MYO1D: variants seen among roughly 807,000 people sequenced by gnomAD.
MYO1D encodes myosin ID.
Under a neutral mutation model 122.0 loss-of-function variants are expected in MYO1D, and 83 were observed. The ratio of observed to expected loss-of-function variants is 0.68; its 90% CI spans 0.57 to 0.82. The LOEUF is 0.82. Ranked by LOEUF, MYO1D falls within the 40% of genes least tolerant of loss-of-function variation. The pLI is 0.00. For synonymous variants in MYO1D, 464 were observed against 446.9 expected (o/e 1.04, Z -0.48); for missense variants, 1,157 against 1,269.5 (o/e 0.91, Z 1.35).
intron 21 of MYO1D, among the ~76,000 whole-genome samples, chr17:32,526,462 T>A (rs1031155505): frequency 1.3e-5 from 2 of 152,220 alleles, no homozygotes; most frequent in Non-Finnish European, 2.9e-5. Flanking sequence ...CATATATGTA[T>A]GAAAATGTGG....
chr17:32,574,475 T>G (rs2087260098), intron 21 of MYO1D, among the ~76,000 whole-genome samples: 1 of 152,222 alleles, frequency 6.6e-6, no homozygotes, highest in South Asian at 2.1e-4. Flanking sequence ...CAAATCAGGC[T>G]AATTGTCTTT....
Position 32,643,756 on chromosome 17 carries a change from C to T in MYO1D, c.2596-4921G>A, listed in dbSNP as rs960243365. Among the ~76,000 whole-genome samples, 11 of 151,948 alleles carry T rather than the reference C, an allele frequency of 7.2e-5. No homozygotes were observed. The South Asian group carries it at 1.0e-3, about 14-fold the overall frequency. On this transcript the variant is annotated intron_variant, in intron 19 of 21. Transcript: ENST00000318217. ...ATGGTAGTTTGTATTTCTGTGGGATCGGTGGTGATATCCCCTTTATCATTT... is the reference window on the plus strand; with the variant it reads ...ATGGTAGTTTGTATTTCTGTGGGATTGGTGGTGATATCCCCTTTATCATTT...
chr17:32,765,688 G>A (rs2090048758), intron 7 of MYO1D, among the ~76,000 whole-genome samples: 1 of 152,098 alleles, frequency 6.6e-6, no homozygotes, highest in Non-Finnish European at 1.5e-5. Context: ...TCGACCTCCT[G>A]ACCTCATGAT....
chr17:32,633,181 A>C (rs1426259619), intron 20 of MYO1D, among the ~76,000 whole-genome samples: 2 of 151,738 alleles, frequency 1.3e-5, no homozygotes, highest in East Asian at 1.9e-4. Context: ...TAAAAAAAAA[A>C]CAGTTAAGCC....
chr17:32,534,756 A>G (rs1403330495), intron 21 of MYO1D, among the ~76,000 whole-genome samples: 2 of 152,166 alleles, frequency 1.3e-5, no homozygotes, highest in African/African-American at 4.8e-5. Flanking sequence ...GTGTGCTTCC[A>G]TTACTGAAGA....
intron 21 of MYO1D, among the ~76,000 whole-genome samples, chr17:32,551,742 T>C (rs1047876979): frequency 6.6e-6 from 1 of 152,200 alleles, no homozygotes; most frequent in Non-Finnish European, 1.5e-5. Flanking sequence ...TGACCCATTA[T>C]CCTTTCTATT....
chr17:32,543,324 C>T (rs1910903692), intron 21 of MYO1D, among the ~76,000 whole-genome samples: 1 of 151,786 alleles, frequency 6.6e-6, no homozygotes, highest in African/African-American at 2.4e-5. Flanking sequence ...CACCTGTAAT[C>T]CCAGCACTAT....
chr17:32,702,715 T>C (rs955454688), intron 16 of MYO1D, among the ~76,000 whole-genome samples: 2 of 152,234 alleles, frequency 1.3e-5, no homozygotes, highest in African/African-American at 4.8e-5. Context: ...TGAATATTTA[T>C]AGCAAGTATT....
chr17:32,757,732 C>T (rs941769167), intron 10 of MYO1D, among the ~76,000 whole-genome samples: 1 of 152,148 alleles, frequency 6.6e-6, no homozygotes, highest in Non-Finnish European at 1.5e-5. Context: ...TTGGTCTCTG[C>T]TAGTAACTTT....
At chr17:32,577,975 G>T (rs1343961953) in intron 21 of MYO1D, among the ~76,000 whole-genome samples, 1 of 152,084 alleles carries the variant, frequency 6.6e-6, no homozygotes, top group African/African-American at 2.4e-5. Context: ...TCCTGACCTC[G>T]TGATCCGCCC....
At chr17:32,605,345 A>C in intron 20 of MYO1D, 104 bp from the exon 21 acceptor site, 1 of 1,095,174 alleles carries the variant, frequency 9.1e-7, no homozygotes. Flanking sequence ...CTGTAGTCCC[A>C]GCTACTTGGG....
intron 1 of MYO1D, among the ~76,000 whole-genome samples, chr17:32,832,735 T>C (rs981442460): frequency 7.9e-5 from 12 of 152,218 alleles, no homozygotes; most frequent in East Asian, 7.7e-4. Context: ...ACCAATTTTA[T>C]TGACGTGAGA....
intron 19 of MYO1D, among the ~76,000 whole-genome samples, chr17:32,646,061 TGACGTACA>T (rs1181418534): frequency 2.8e-4 from 42 of 152,324 alleles, no homozygotes; most frequent in Middle Eastern, 3.4e-3. Flanking sequence ...TTGATGATGG[TGACGTACA>T]GATGGGGTTT....
chr17:32,844,004 T>C (rs1211358045), intron 1 of MYO1D, among the ~76,000 whole-genome samples: 3 of 150,900 alleles, frequency 2.0e-5, no homozygotes, highest in Non-Finnish European at 1.5e-5. Flanking sequence ...TATACACATA[T>C]ACACACACAC....
intron 1 of MYO1D, among the ~76,000 whole-genome samples, chr17:32,799,365 C>T (rs1255507527): frequency 6.6e-6 from 1 of 151,948 alleles, no homozygotes; most frequent in Admixed American, 6.6e-5. Flanking sequence ...AAGTATCATC[C>T]CAACCATGAC....
chr17:32,543,086 C>G (rs1226035976), intron 21 of MYO1D, among the ~76,000 whole-genome samples: 9 of 150,338 alleles, frequency 6.0e-5, no homozygotes, highest in Non-Finnish European at 1.2e-4. Context: ...ATTAGCCAGG[C>G]ATGGTGGCGG....
chr17:32,677,601 A>C (rs1487920001), intron 16 of MYO1D, among the ~76,000 whole-genome samples: 1 of 25,472 alleles, frequency 3.9e-5, no homozygotes, highest in Admixed American at 4.4e-4. Flanking sequence ...ATATATATAT[A>C]TATATATATA....
rs555879650 is a variant in MYO1D at position 32,740,556 on chromosome 17, G to A, written c.1614-2171C>T. Among the ~76,000 whole-genome samples the A allele has an allele frequency of 3.2e-4, 48 of 152,276 alleles. 1 individual carries two copies. The highest frequency in any genetic ancestry group is 6.8e-3 in the Middle Eastern group (2 of 294). ...TGCAGTGGTGAGATGATAGCTCACTGCAGCCTCGACCTTCCAGGCTCAAGT... is the reference window on the plus strand; with the variant it reads ...TGCAGTGGTGAGATGATAGCTCACTACAGCCTCGACCTTCCAGGCTCAAGT... On this transcript the variant is annotated intron_variant, in intron 13 of 21. Transcript: ENST00000318217.
chr17:32,658,006 A>G (rs2088501227), intron 17 of MYO1D, among the ~76,000 whole-genome samples: 1 of 152,186 alleles, frequency 6.6e-6, no homozygotes, highest in African/African-American at 2.4e-5. Flanking sequence ...AAATGCTCAA[A>G]TCATATGTGA....
Sources: allele counts gnomAD v4.1 joint callset (sites outside exome capture counted in the v4.1 genomes callset), GRCh38; gene constraint gnomAD v4.1.1; transcripts MANE v1.5; gene names NCBI Gene and HGNC (gene_info 2026-07-23, HGNC 2026-07-21).